Variants in KSR2 observed in about 807,000 individuals in gnomAD.
KSR2 encodes kinase suppressor of ras 2.
Under a neutral mutation model 107.8 loss-of-function variants are expected in KSR2, and 25 were observed. The observed-to-expected ratio is 0.23, with a 90% confidence interval of 0.17 to 0.32. The LOEUF is 0.32. Ranked by LOEUF, KSR2 falls within the 10% of genes least tolerant of loss-of-function variation. KSR2 has a pLI of 1.00. For synonymous variants in KSR2, 480 were observed against 507.0 expected (o/e 0.95, Z 0.71); for missense variants, 887 against 1,268.9 (o/e 0.70, Z 4.57).
At chr12:117,787,949 G>C (rs1273924982) in intron 3 of KSR2, among the ~76,000 whole-genome samples, 1 of 152,170 alleles carries the variant, frequency 6.6e-6, no homozygotes, top group African/African-American at 2.4e-5. Flanking sequence ...CTGTACGTGG[G>C]AAATAAGCAA....
At chr12:117,874,301 T>C (rs541294982) in intron 1 of KSR2, among the ~76,000 whole-genome samples, 1 of 152,212 alleles carries the variant, frequency 6.6e-6, no homozygotes, top group African/African-American at 2.4e-5. Flanking sequence ...GACACAATCA[T>C]AGCTCACTGC....
At chr12:117,917,791 C>T (rs1401351756) in intron 1 of KSR2, among the ~76,000 whole-genome samples, 3 of 152,150 alleles carry the variant, frequency 2.0e-5, no homozygotes, top group African/African-American at 4.8e-5. Flanking sequence ...ATGCCCCATT[C>T]TCCCCCATCA....
intron 1 of KSR2, among the ~76,000 whole-genome samples, chr12:117,904,353 G>A (rs1324940772): frequency 6.6e-6 from 1 of 152,206 alleles, no homozygotes; most frequent in South Asian, 2.1e-4. Context: ...GTCACTGGAA[G>A]TGTCTGGTAT....
At chr12:117,808,697 C>T (rs181872256) in intron 3 of KSR2, among the ~76,000 whole-genome samples, 365 of 152,280 alleles carry the variant, frequency 2.4e-3, no homozygotes, top group Non-Finnish European at 4.3e-3. Context: ...TCCTACACCC[C>T]TCTCCTCTCC....
At chr12:117,549,275 G>A (rs1044042696) in intron 9 of KSR2, among the ~76,000 whole-genome samples, 3 of 152,140 alleles carry the variant, frequency 2.0e-5, no homozygotes, top group Non-Finnish European at 2.9e-5. Flanking sequence ...TGGCCCAGGG[G>A]GCAGGTGAGG....
rs771959105 is a variant in KSR2 at position 117,937,971 on chromosome 12, GAAAAAAAAAAAA to G, written c.180+30093_180+30104del. Among the ~76,000 whole-genome samples the G allele has an allele frequency of 1.9e-4, 10 of 53,968 alleles. No individual in the cohort carries two copies. The East Asian group carries it at 5.7e-3, about 31-fold the overall frequency. The allele number at this position is 53,968 out of a possible 152,430, so 35.4% of individuals were successfully genotyped here. ...GCAACAAAGACAGACTCTGTCTCAA[GAAAAAAAAAAAA>G]AAAAAAAAAGCCTGAAACATATTAG... On this transcript the variant is annotated intron_variant, in intron 1 of 19. Coordinates refer to ENST00000339824, the MANE Select transcript of KSR2 (RefSeq NM_173598.6).
rs145978214 is a variant in KSR2 at position 117,556,782 on chromosome 12, T to C, written c.1394-1489A>G. Among the ~76,000 whole-genome samples the C allele has an allele frequency of 7.2e-3, 1,095 of 152,230 alleles. 16 individuals are homozygous for C. Among genetic ancestry groups the C allele is most frequent in the African/African-American group, 0.025 (1,035 of 41,536 alleles). On this transcript the variant is annotated intron_variant, in intron 8 of 19. Transcript: ENST00000339824. ...TACCCTAAAGTTGCTCCCTGGTGAT[T>C]TGAAGGCTCTGTCCACCCTATAGAT...
At chr12:117,861,980 C>T (rs555691201) in intron 1 of KSR2, among the ~76,000 whole-genome samples, 212 of 152,054 alleles carry the variant, frequency 1.4e-3, no homozygotes, top group African/African-American at 4.9e-3. Flanking sequence ...AAACTCCAGG[C>T]TTCTAACTTG....
chr12:117,807,489 C>T (rs931605248), intron 3 of KSR2, among the ~76,000 whole-genome samples: 1 of 152,196 alleles, frequency 6.6e-6, no homozygotes, highest in South Asian at 2.1e-4. Flanking sequence ...TTTGGGTTAT[C>T]ACCAAATATC....
chr12:117,509,883 A>G (rs923523096), intron 14 of KSR2, among the ~76,000 whole-genome samples: 1 of 152,222 alleles, frequency 6.6e-6, no homozygotes, highest in Non-Finnish European at 1.5e-5. Flanking sequence ...GAATCTTTTG[A>G]TTTAAAGCAA....
chr12:117,660,386 C>T (rs1192817500), intron 5 of KSR2, among the ~76,000 whole-genome samples: 2 of 152,174 alleles, frequency 1.3e-5, no homozygotes, highest in Non-Finnish European at 2.9e-5. Context: ...CCTCATGAGT[C>T]TCTTCCAGCT....
intron 4 of KSR2, among the ~76,000 whole-genome samples, chr12:117,697,136 C>T (rs1027747975): frequency 6.6e-6 from 1 of 152,218 alleles, no homozygotes; most frequent in Non-Finnish European, 1.5e-5. Flanking sequence ...TCCTCCCCCT[C>T]GAGATGGAAG....
intron 3 of KSR2, among the ~76,000 whole-genome samples, chr12:117,817,153 A>C (rs1290279412): frequency 6.6e-6 from 1 of 152,184 alleles, no homozygotes; most frequent in African/African-American, 2.4e-5. Flanking sequence ...ACTCTTATTC[A>C]TGAAAAAGTT....
chr12:117,535,738 TA>T (rs1876006509), intron 10 of KSR2, among the ~76,000 whole-genome samples: 1 of 151,794 alleles, frequency 6.6e-6, no homozygotes, highest in South Asian at 2.1e-4. Context: ...CAGAAACCCA[TA>T]AGACAATCAT....
intron 9 of KSR2, among the ~76,000 whole-genome samples, chr12:117,541,753 T>G (rs1876506425): frequency 6.6e-6 from 1 of 152,138 alleles, no homozygotes; most frequent in South Asian, 2.1e-4. Context: ...ACATTCTCTG[T>G]CTAGATGCTT....
At chr12:117,861,850 G>A (rs1449361156) in intron 1 of KSR2, among the ~76,000 whole-genome samples, 2 of 152,100 alleles carry the variant, frequency 1.3e-5, no homozygotes, top group East Asian at 1.9e-4. Context: ...CAGGCCTCTG[G>A]AGGGATCCCA....
chr12:117,950,774 A>G (rs566721325), intron 1 of KSR2, among the ~76,000 whole-genome samples: 11 of 144,042 alleles, frequency 7.6e-5, no homozygotes, highest in African/African-American at 2.5e-4. Flanking sequence ...TAATAATGAT[A>G]ATAATAATAA....
intron 5 of KSR2, among the ~76,000 whole-genome samples, chr12:117,638,671 C>T (rs1883217929): frequency 6.6e-6 from 1 of 152,148 alleles, no homozygotes; most frequent in African/African-American, 2.4e-5. Flanking sequence ...CAGGATGATG[C>T]TATCTCTGTG....
At chr12:117,828,166 T>C (rs764311888) in intron 3 of KSR2, among the ~76,000 whole-genome samples, 7 of 152,188 alleles carry the variant, frequency 4.6e-5, no homozygotes, top group Non-Finnish European at 1.0e-4. Context: ...TGTTCACCGC[T>C]GCGTCCCCAG....
Sources: gnomAD v4.1 joint callset for allele counts (sites outside exome capture counted in the v4.1 genomes callset) on GRCh38, gnomAD v4.1.1 for gene constraint, MANE v1.5 for transcripts, NCBI Gene and HGNC (gene_info 2026-07-23, HGNC 2026-07-21) for gene names.